The following MS4A4E variants were observed in gnomAD, a reference collection of about 807,000 sequenced individuals.
The protein encoded by MS4A4E is putative membrane-spanning 4-domains subfamily A member 4E.
A neutral mutation model predicts 13.3 loss-of-function variants in MS4A4E; 23 were observed. That is an observed-to-expected ratio of 1.73 (90% confidence interval 1.25 to 2.45). MS4A4E has a LOEUF of 2.45. Ranked by LOEUF, MS4A4E falls within the 30% of genes most tolerant of loss-of-function variation. The pLI, the probability that MS4A4E is intolerant of heterozygous loss-of-function variation, is 0.00. For missense variants in MS4A4E, 144 were observed against 131.2 expected, an observed-to-expected ratio of 1.10 and a Z score of -0.48; for synonymous variants, 36 against 45.6, an observed-to-expected ratio of 0.79 and a Z score of 0.85.
At chr11:60,219,617 T>G (rs1400450771) in intron 3 of MS4A4E, among the ~76,000 whole-genome samples, 1 of 152,178 alleles carries the variant, frequency 6.6e-6, no homozygotes, top group Non-Finnish European at 1.5e-5. Context: ...CAGAACCCCT[T>G]GAATGAAAAG....
rs550550000 is a variant in MS4A4E at position 60,210,611 on chromosome 11, T to G, written c.382-1917A>C. 2.6e-5 allele frequency among the ~76,000 whole-genome samples: 4 copies of G among 152,350 alleles called. No homozygotes were observed. The South Asian group carries it at 8.3e-4, about 32-fold the overall frequency. ...AACTTTTTCTGGCCTCTTTAATAAT[T>G]ATATGCTTTCCAGCATTTCTATCTT... On this transcript the variant is annotated intron_variant, in intron 5 of 8. Transcript: ENST00000651255.
At chr11:60,240,431 G>A (rs2084534627) in intron 1 of MS4A4E, among the ~76,000 whole-genome samples, 1 of 152,058 alleles carries the variant, frequency 6.6e-6, no homozygotes, top group African/African-American at 2.4e-5. Context: ...TGTAGCCTTG[G>A]ATGTTCAACC....
chr11:60,201,023 C>A lies in MS4A4E; in HGVS notation c.*520G>T, dbSNP rs1272625204. Among the ~76,000 whole-genome samples, 5 of 145,714 alleles carry A rather than the reference C, an allele frequency of 3.4e-5. No individual in the cohort carries two copies. The highest frequency in any genetic ancestry group is 6.0e-5 in the Non-Finnish European group (4 of 66,226). On this transcript the variant is annotated 3_prime_UTR_variant, in exon 9 of 9. Transcript: ENST00000651255. ...GCGGCTGGCCGGGCAGAGGGCTGACCCCCCCACCTCCCTCCCAGACGTGGT... is the reference window on the plus strand; with the variant it reads ...GCGGCTGGCCGGGCAGAGGGCTGACACCCCCACCTCCCTCCCAGACGTGGT...
intron 6 of MS4A4E, among the ~76,000 whole-genome samples, chr11:60,207,518 G>A (rs1012603072): frequency 1.3e-5 from 2 of 152,120 alleles, no homozygotes; most frequent in Non-Finnish European, 1.5e-5. Context: ...GAGGGTTGTC[G>A]GGGAGTGGGA....
chr11:60,231,752 A>T (rs1403206524), intron 1 of MS4A4E, among the ~76,000 whole-genome samples: 5 of 152,292 alleles, frequency 3.3e-5, no homozygotes, highest in South Asian at 2.1e-4. Flanking sequence ...CAAAGTTAGT[A>T]GTAAAGGAGA....
chr11:60,213,423 C>A lies in MS4A4E; in HGVS notation c.223-291G>T, dbSNP rs747596753. The A allele has an allele frequency of 4.5e-5, 39 of 865,958 alleles. No individual in the cohort carries two copies. In the Middle Eastern group the frequency reaches 8.9e-4, roughly 20 times the overall value. 53.6% of individuals were successfully genotyped at this position (865,958 alleles called of 1,614,324 possible). A position where few individuals can be genotyped will look rare whatever the true frequency, so the allele number is the denominator to read the frequency against. On this transcript the variant is annotated intron_variant, in intron 4 of 8. Transcript: ENST00000651255. ...CTGGACAGTCATGTCTGTGTCCTTCCCTGCCATTCCTTGCTTCTGGTGCCC... is the reference window on the plus strand; with the variant it reads ...CTGGACAGTCATGTCTGTGTCCTTCACTGCCATTCCTTGCTTCTGGTGCCC...
At chr11:60,231,071 T>C (rs80340466) in intron 1 of MS4A4E, among the ~76,000 whole-genome samples, 14,277 of 152,242 alleles carry the variant, frequency 0.094, 862 homozygotes, top group South Asian at 0.16. Context: ...TGTATTTATC[T>C]CTGATAGATC....
chr11:60,233,589 C>G (rs1170141825), intron 1 of MS4A4E, among the ~76,000 whole-genome samples: 2 of 152,252 alleles, frequency 1.3e-5, no homozygotes, highest in Admixed American at 6.5e-5. Flanking sequence ...CCTGGAATAC[C>G]TGTGCCTGGA....
chr11:60,219,848 A>G (rs2134942904), intron 3 of MS4A4E, among the ~76,000 whole-genome samples: 1 of 152,330 alleles, frequency 6.6e-6, no homozygotes, highest in Admixed American at 6.5e-5. Context: ...TCCTCCAGTT[A>G]TAGTAGGGGC....
Position 60,201,222 on chromosome 11 carries a change from GCGGC to G in MS4A4E, c.*317_*320del, listed in dbSNP as rs2083983044. The G allele has an allele frequency of 6.5e-6, 1 of 153,932 alleles. No homozygotes were observed. Among genetic ancestry groups the G allele is most frequent in the Non-Finnish European group, 1.4e-5 (1 of 70,270 alleles). 9.5% of individuals were successfully genotyped at this position (153,932 alleles called of 1,614,324 possible). A position where few individuals can be genotyped will look rare whatever the true frequency, so the allele number is the denominator to read the frequency against. ...AGGCGCCCCTCACCTCCCGGACGGG[GCGGC>G]TGGCCGGGCGGGGGGCTGACCCCCC... On this transcript the variant is annotated 3_prime_UTR_variant, in exon 9 of 9. Transcript: ENST00000651255.
intron 2 of MS4A4E, among the ~76,000 whole-genome samples, chr11:60,228,836 T>G (rs569780578): frequency 6.6e-6 from 1 of 152,332 alleles, no homozygotes; most frequent in African/African-American, 2.4e-5. Flanking sequence ...AAGGCAGTCT[T>G]TAAAAACTAC....
Position 60,209,644 on chromosome 11 carries a change from C to T in MS4A4E, c.382-950G>A, listed in dbSNP as rs558219866. Among the ~76,000 whole-genome samples, 396 of 152,324 alleles carry T rather than the reference C, an allele frequency of 2.6e-3. 3 individuals carry two copies. The highest frequency in any genetic ancestry group is 9.5e-3 in the African/African-American group (393 of 41,572). ...TCACGTAGGTCAGTCTTTAATCCAT[C>T]TCCCCAGAGCACTGGCTTTAGGGCT... On this transcript the variant is annotated intron_variant, in intron 5 of 8. Transcript: ENST00000651255.
In MS4A4E at chr11:60,228,616, T is replaced by G. The variant is rs2084371714; in HGVS notation, c.156A>C (p.Gly52=). The G allele has an allele frequency of 1.4e-6, 1 of 698,586 alleles. No homozygotes were observed. The highest frequency in any genetic ancestry group is 2.6e-6 in the Non-Finnish European group (1 of 383,078). 43.3% of individuals were successfully genotyped at this position (698,586 alleles called of 1,614,324 possible). Residue 52 remains glycine (G), a synonymous_variant, in exon 3 of 9, where the codon GGA becomes GGC. Coordinates refer to ENST00000651255, the MANE Select transcript of MS4A4E (RefSeq NM_001393391.1). ...RKPKVLGVLC[G]HKFSTHSVSL... is the part of the protein sequence containing the mutation. ...TACCCGAATGAGTTGAAAACTTATG[T>G]CCACACAAAACCTGCACACAGATAT...
chr11:60,210,581 A>G lies in MS4A4E; in HGVS notation c.382-1887T>C, dbSNP rs75900432. Among the ~76,000 whole-genome samples the G allele has an allele frequency of 1.9e-3, 282 of 152,256 alleles. 2 individuals are homozygous for G. The highest frequency in any genetic ancestry group is 0.013 in the East Asian group (66 of 5,182). On this transcript the variant is annotated intron_variant, in intron 5 of 8. Coordinates refer to ENST00000651255, the MANE Select transcript of MS4A4E (RefSeq NM_001393391.1). ...GTAGACTCTAACTACTTTTTTCTAGAGCTCAACTTTTTCTGGCCTCTTTAA... is the reference window on the plus strand; with the variant it reads ...GTAGACTCTAACTACTTTTTTCTAGGGCTCAACTTTTTCTGGCCTCTTTAA...
chr11:60,221,699 T>C (rs1218173476), intron 3 of MS4A4E, among the ~76,000 whole-genome samples: 2 of 152,192 alleles, frequency 1.3e-5, no homozygotes, highest in African/African-American at 4.8e-5. Flanking sequence ...AGCCAATGGT[T>C]TGGCTGAGTA....
chr11:60,210,911 C>T (rs568452021), intron 5 of MS4A4E, among the ~76,000 whole-genome samples: 2 of 152,346 alleles, frequency 1.3e-5, no homozygotes, highest in African/African-American at 4.8e-5. Context: ...AATGCAGAAC[C>T]AGCTACGTAA....
Position 60,200,490 on chromosome 11 carries a change from C to T in MS4A4E, c.*1053G>A, listed in dbSNP as rs894395975. 1.1e-4 allele frequency among the ~76,000 whole-genome samples: 16 copies of T among 152,098 alleles called. No homozygotes were observed. Among genetic ancestry groups the T allele is most frequent in the African/African-American group, 3.9e-4 (16 of 41,398 alleles). The stretch of plus-strand genomic sequence containing the variant: ...ACTTGAGATTAGGGAGTGGTGATGA[C>T]TCTTAACGAGCATGCTGCCTTCAAG... On this transcript the variant is annotated 3_prime_UTR_variant, in exon 9 of 9. Transcript: ENST00000651255.
At chr11:60,216,049 A>C (rs1184455353) in intron 3 of MS4A4E, among the ~76,000 whole-genome samples, 1 of 152,156 alleles carries the variant, frequency 6.6e-6, no homozygotes, top group Non-Finnish European at 1.5e-5. Flanking sequence ...ATACAAACTT[A>C]CAGCTGGCTC....
In MS4A4E at chr11:60,218,012, G is replaced by A. The variant is rs191006929; in HGVS notation, c.179-3398C>T. Among the ~76,000 whole-genome samples, 282 of 152,328 alleles carry A rather than the reference G, an allele frequency of 1.9e-3. 1 individual carries two copies. The highest frequency in any genetic ancestry group is 6.0e-3 in the African/African-American group (250 of 41,578). ...TCTCTTCTTTCAAAAGCAAATGGGAGAAAGATTGCTGAATTCTTTTTCTCA... is the reference window on the plus strand; with the variant it reads ...TCTCTTCTTTCAAAAGCAAATGGGAAAAAGATTGCTGAATTCTTTTTCTCA... On this transcript the variant is annotated intron_variant, in intron 3 of 8. Transcript: ENST00000651255.
Sources: gnomAD v4.1 joint callset for allele counts (sites outside exome capture counted in the v4.1 genomes callset) on GRCh38, gnomAD v4.1.1 for gene constraint, MANE v1.5 for transcripts, NCBI Gene and HGNC (gene_info 2026-07-23, HGNC 2026-07-21) for gene names.